ZNF385D: variants seen among roughly 807,000 people sequenced by gnomAD.
The protein encoded by ZNF385D is zinc finger protein 659.
ZNF385D carries 15 observed loss-of-function variants against 35.8 expected under a neutral mutation model. That is an observed-to-expected ratio of 0.42 (90% CI 0.28 to 0.64). ZNF385D has a LOEUF of 0.64. Among genes scored for constraint, ZNF385D ranks in the 30% least tolerant of loss-of-function variants. ZNF385D has a pLI of 0.23. For synonymous variants in ZNF385D, 212 were observed against 186.8 expected (o/e 1.13, Z -1.10); for missense variants, 474 against 494.6 (o/e 0.96, Z 0.39).
chr3:21,582,859 C>T (rs1474303910), intron 2 of ZNF385D, among the ~76,000 whole-genome samples: 11 of 152,088 alleles, frequency 7.2e-5, no homozygotes, highest in African/African-American at 2.7e-4. Flanking sequence ...CTCACTGCAA[C>T]CTCCACCTCC....
chr3:21,423,060 G>A (rs7426427), intron 7 of ZNF385D, among the ~76,000 whole-genome samples: 4 of 152,126 alleles, frequency 2.6e-5, no homozygotes, highest in Non-Finnish European at 4.4e-5. Context: ...CTTGTTTGCA[G>A]ACAAAATGAT....
At chr3:21,772,572 G>A (rs1449305615) in intron 3 of ZNF385D, among the ~76,000 whole-genome samples, 1 of 151,902 alleles carries the variant, frequency 6.6e-6, no homozygotes, top group African/African-American at 2.4e-5. Context: ...TATTGATGAA[G>A]AGGAGGAGAA....
intron 3 of ZNF385D, among the ~76,000 whole-genome samples, chr3:21,555,337 G>A (rs973588699): frequency 6.6e-6 from 1 of 151,732 alleles, no homozygotes; most frequent in Non-Finnish European, 1.5e-5. Flanking sequence ...ATCTACATTA[G>A]GTATTTCTCC....
chr3:21,442,527 T>C (rs1701913184), intron 4 of ZNF385D, among the ~76,000 whole-genome samples: 2 of 152,188 alleles, frequency 1.3e-5, no homozygotes, highest in African/African-American at 4.8e-5. Flanking sequence ...CACCAGTCTT[T>C]AGAAATTATT....
chr3:22,330,469 T>C (rs73136310), intron 2 of ZNF385D, among the ~76,000 whole-genome samples: 2,296 of 152,284 alleles, frequency 0.015, 56 homozygotes, highest in African/African-American at 0.053. Flanking sequence ...GTTGATGTCT[T>C]CACCCTTTAT....
At chr3:22,123,335 T>A (rs544597969) in intron 3 of ZNF385D, among the ~76,000 whole-genome samples, 1 of 152,280 alleles carries the variant, frequency 6.6e-6, no homozygotes, top group East Asian at 1.9e-4. Context: ...GTTTTTAAAA[T>A]CTTTATGGGT....
chr3:22,093,831 A>C (rs1314053193), intron 3 of ZNF385D, among the ~76,000 whole-genome samples: 1 of 152,158 alleles, frequency 6.6e-6, no homozygotes, highest in Non-Finnish European at 1.5e-5. Flanking sequence ...GTTTTGTACT[A>C]AGATTTACTA....
chr3:21,818,669 G>A (rs1387675854), intron 3 of ZNF385D, among the ~76,000 whole-genome samples: 1 of 152,092 alleles, frequency 6.6e-6, no homozygotes, highest in Non-Finnish European at 1.5e-5. Flanking sequence ...CACTCCATGG[G>A]CATATGGAGG....
chr3:21,819,862 C>A (rs2073327401), intron 3 of ZNF385D, among the ~76,000 whole-genome samples: 1 of 147,552 alleles, frequency 6.8e-6, no homozygotes. Flanking sequence ...TAAATATACA[C>A]ATATATACAC....
rs144916454 is a variant in ZNF385D, at chr3:21,494,060, T to C, written c.439+16801A>G. 3.7e-4 allele frequency among the ~76,000 whole-genome samples: 56 copies of C among 152,214 alleles called. No homozygotes were observed. In the East Asian group the frequency reaches 0.01, roughly 27 times the overall value. Reference sequence around the variant, plus strand: ...ATAGCATTACAAGAGCAAGCATAAATAGAAAAACCAAAGTTGAAATGATTT... The same window carrying C: ...ATAGCATTACAAGAGCAAGCATAAACAGAAAAACCAAAGTTGAAATGATTT... On this transcript the variant is annotated intron_variant, in intron 4 of 7. Coordinates refer to ENST00000281523, the MANE Select transcript of ZNF385D (RefSeq NM_024697.3).
chr3:21,890,424 G>T (rs975511217), intron 3 of ZNF385D, among the ~76,000 whole-genome samples: 1 of 152,068 alleles, frequency 6.6e-6, no homozygotes, highest in Non-Finnish European at 1.5e-5. Flanking sequence ...TTTGAGACCA[G>T]CCTGGCCAAC....
chr3:21,516,586 G>C (rs570836486), intron 3 of ZNF385D, among the ~76,000 whole-genome samples: 1 of 152,180 alleles, frequency 6.6e-6, no homozygotes, highest in South Asian at 2.1e-4. Flanking sequence ...ACTCCTCCTG[G>C]CCACCTCCCC....
chr3:22,129,844 G>C (rs1179196866), intron 3 of ZNF385D, among the ~76,000 whole-genome samples: 1 of 152,128 alleles, frequency 6.6e-6, no homozygotes, highest in African/African-American at 2.4e-5. Context: ...ATGTGCCAAA[G>C]TTGTAAGACC....
chr3:21,659,358 A>G (rs895352779), intron 2 of ZNF385D, among the ~76,000 whole-genome samples: 1 of 152,202 alleles, frequency 6.6e-6, no homozygotes, highest in Admixed American at 6.6e-5. Context: ...TTGAATGAAT[A>G]AATGAAATAC....
intron 3 of ZNF385D, among the ~76,000 whole-genome samples, chr3:21,818,294 C>T (rs553120607): frequency 1.1e-4 from 17 of 152,204 alleles, no homozygotes; most frequent in Admixed American, 2.0e-4. Flanking sequence ...CAAACATGCA[C>T]GTTGTGCATA....
rs567297227 is a variant in ZNF385D, at chr3:21,830,888, T to A, written c.326-165860A>T. On this transcript the variant is annotated intron_variant, in intron 3 of 5. Transcript: ENST00000494108. ...AAAACATTTATGCCATTGATCCAAT[T>A]TATTCACCCAAGTTCACTGAAGGGT... 5.8e-4 allele frequency among the ~76,000 whole-genome samples: 88 copies of A among 152,286 alleles called. No individual in the cohort carries two copies. The Middle Eastern group carries it at 0.01, about 18-fold the overall frequency.
At chr3:21,484,282 G>C (rs1478070) in intron 4 of ZNF385D, among the ~76,000 whole-genome samples, 73,069 of 152,052 alleles carry the variant, frequency 0.48, 17,880 homozygotes, top group East Asian at 0.62. Flanking sequence ...TAGGGTGCCA[G>C]TAGAAGTGGT....
At chr3:22,306,226 C>T (rs974257122) in intron 2 of ZNF385D, among the ~76,000 whole-genome samples, 3 of 151,986 alleles carry the variant, frequency 2.0e-5, no homozygotes, top group Admixed American at 6.6e-5. Context: ...AATTTGACAG[C>T]GGTGTCAGGG....
chr3:22,001,234 T>A (rs1695825392), intron 3 of ZNF385D, among the ~76,000 whole-genome samples: 2 of 152,150 alleles, frequency 1.3e-5, no homozygotes, highest in South Asian at 4.1e-4. Flanking sequence ...AATAATATGC[T>A]GCCTACAAGA....
Sources: allele counts gnomAD v4.1 joint callset (sites outside exome capture counted in the v4.1 genomes callset), GRCh38; gene constraint gnomAD v4.1.1; transcripts MANE v1.5; gene names NCBI Gene and HGNC (gene_info 2026-07-23, HGNC 2026-07-21).